Variants in NTRK1 observed in about 807,000 individuals in gnomAD.
NTRK1 encodes high affinity nerve growth factor receptor.
NTRK1 carries 62 observed loss-of-function variants against 86.8 expected under a neutral mutation model. That is an observed-to-expected ratio of 0.71 (90% CI 0.58 to 0.88). The LOEUF is 0.88. Among genes scored for constraint, NTRK1 ranks in the 40% least tolerant of loss-of-function variants. The pLI, the probability that NTRK1 is intolerant of heterozygous loss-of-function variation, is 0.00. For missense variants in NTRK1, 967 were observed against 1,078.4 expected (o/e 0.90, Z 1.45); for synonymous variants, 469 against 456.6 (o/e 1.03, Z -0.35).
intron 1 of NTRK1, among the ~76,000 whole-genome samples, chr1:156,834,816 C>G (rs61331432): frequency 0.18 from 27,236 of 149,786 alleles, 4,618 homozygotes; most frequent in African/African-American, 0.45. Flanking sequence ...GCCGGGGAGA[C>G]GGGGGGTTGT....
At position 156,854,247 on chromosome 1, in the gene NTRK1, A is replaced by G; in HGVS notation, c.51-10107A>G. On this transcript the variant is annotated intron_variant, in intron 2 of 16. Transcript: ENST00000392302. The surrounding 1 kb of genome is among the most constrained non-coding windows in gnomAD (Gnocchi z 4.2). The stretch of plus-strand genomic sequence containing the variant: ...TGCAGGTGGCCCTCCACCACGCTGC[A>G]GTTCTCCAGCTGACGAAGCTCTGCC... 5 of 1,613,878 alleles carry G rather than the reference A, an allele frequency of 3.1e-6. No individual in the cohort carries two copies. The highest frequency in any genetic ancestry group is 4.2e-6 in the Non-Finnish European group (5 of 1,180,014).
intron 1 of NTRK1, chr1:156,816,264 C>A: frequency 1.4e-6 from 1 of 703,720 alleles, no homozygotes; most frequent in Non-Finnish European, 1.7e-6. Flanking sequence ...GTTAAGTAGC[C>A]AAGGCGGCAT....
At chr1:156,863,846 C>T (rs1330431280) in intron 1 of NTRK1, among the ~76,000 whole-genome samples, 2 of 152,182 alleles carry the variant, frequency 1.3e-5, no homozygotes, top group African/African-American at 4.8e-5. Flanking sequence ...AGTACAACCT[C>T]CCACTGATGA....
Position 156,875,614 on chromosome 1 carries a change from C to T in NTRK1, c.1449C>T (p.Gly483=), listed in dbSNP as rs746433981. The change falls in exon 12 of 17, where the codon GGC becomes GGT. Residue 483 remains glycine (G), a synonymous_variant. Coordinates refer to ENST00000524377, the MANE Select transcript of NTRK1 (RefSeq NM_002529.4). ...CCCTGTCCCCCACCGAGGGCAAAGG[C>T]TCTGGGCTCCAAGGCCACATCATCG... ...GSSLSPTEGK[G]SGLQGHIIEN... The T allele has an allele frequency of 6.2e-7, 1 of 1,613,744 alleles. No individual in the cohort carries two copies.
chr1:156,841,104 C>T (rs943100524), intron 1 of NTRK1: 6 of 1,556,452 alleles, frequency 3.9e-6, no homozygotes, highest in South Asian at 1.2e-5. Flanking sequence ...TCAGCTCCTG[C>T]CTGGTGGGTG....
Position 156,881,230 on chromosome 1 carries a change from C to T in NTRK1, c.2206-227C>T, listed in dbSNP as rs114547765. 0.02 allele frequency among the ~76,000 whole-genome samples: 3,004 copies of T among 152,296 alleles called. 94 individuals are homozygous for T. Among genetic ancestry groups the T allele is most frequent in the African/African-American group, 0.068 (2,841 of 41,544 alleles). On this transcript the variant is annotated intron_variant, in intron 16 of 16. Transcript: ENST00000524377. ...TCCCAGTTTTCTGGAAGCAATCCTA[C>T]CCCAGCCCAAGCTTCCCATAGTCGA...
intron 1 of NTRK1, among the ~76,000 whole-genome samples, chr1:156,819,401 T>C (rs1157545441): frequency 6.6e-6 from 1 of 152,190 alleles, no homozygotes; most frequent in African/African-American, 2.4e-5. Context: ...CCCTGATGAT[T>C]GTGGTGTTGA....
chr1:156,841,365 A>G (rs755844614), intron 1 of NTRK1: 14 of 1,608,974 alleles, frequency 8.7e-6, no homozygotes, highest in Non-Finnish European at 9.4e-6. Context: ...TAGATCAACA[A>G]TGAGGAAGGG....
rs781599974 is a variant in NTRK1, at chr1:156,876,226, G to T, written c.1632+16G>T. The T allele has an allele frequency of 6.2e-7, 1 of 1,613,516 alleles. No homozygotes were observed. The highest frequency in any genetic ancestry group is 8.5e-7 in the Non-Finnish European group (1 of 1,179,942). ...GGCTGTCAAGGTGAGACCCTGCCCC[G>T]GGGGGTACTGCTGGCCTGGGTCCCA... On this transcript the variant is annotated intron_variant, in intron 13 of 16. Coordinates refer to ENST00000524377, the MANE Select transcript of NTRK1 (RefSeq NM_002529.4).
chr1:156,876,357 G>T, intron 13 of NTRK1, 43 bp from the exon 14 acceptor site: 6 of 1,612,798 alleles, frequency 3.7e-6, no homozygotes, highest in African/African-American at 1.3e-5. Flanking sequence ...AGCAGTGAGG[G>T]CTCGGCCCCC....
chr1:156,860,965 G>A lies in NTRK1; in HGVS notation c.31G>A (p.Gly11Ser). ...GCGAGGCGGACGGCGCGGGCAGCTT[G>A]GCTGGCACAGCTGGGCTGCGGGGCC... MLRGGRRGQL[G>S]WHSWAAGPGS... The change falls in exon 1 of 17, where the codon GGC becomes AGC. Residue 11 changes from glycine to serine, a missense_variant. Coordinates refer to ENST00000524377, the MANE Select transcript of NTRK1 (RefSeq NM_002529.4). The A allele has an allele frequency of 6.6e-7, 1 of 1,513,790 alleles. No homozygotes were observed. The highest frequency in any genetic ancestry group is 8.8e-7 in the Non-Finnish European group (1 of 1,138,718). The allele number at this position is 1,513,790 out of a possible 1,614,324, so 93.8% of individuals were successfully genotyped here. A position where few individuals can be genotyped will look rare whatever the true frequency, so the allele number is the denominator to read the frequency against.
chr1:156,853,748 C>G, intron 2 of NTRK1: 1 of 1,593,432 alleles, frequency 6.3e-7, no homozygotes, highest in Non-Finnish European at 8.6e-7. Flanking sequence ...GTGCCAGTGC[C>G]CACCTCTCTG....
chr1:156,852,081 G>T, intron 2 of NTRK1: 2 of 1,613,686 alleles, frequency 1.2e-6, no homozygotes, highest in Non-Finnish European at 8.5e-7. Flanking sequence ...TAGAGGTGGC[G>T]GCAAGCTACA....
intron 1 of NTRK1, chr1:156,816,576 C>T: frequency 7.5e-7 from 1 of 1,326,138 alleles, no homozygotes; most frequent in Non-Finnish European, 1.0e-6. Flanking sequence ...AGGGTGGGGC[C>T]CCTCATCCCT....
At chr1:156,867,109 C>A in intron 4 of NTRK1, 131 bp downstream of exon 4, 1 of 939,738 alleles carries the variant, frequency 1.1e-6, no homozygotes, top group South Asian at 1.3e-5. Context: ...GGACTATGTG[C>A]ATGCCAGTGA....
At chr1:156,874,673 T>C in intron 10 of NTRK1, 47 bp downstream of exon 10, 4 of 1,574,636 alleles carry the variant, frequency 2.5e-6, no homozygotes, top group Non-Finnish European at 3.5e-6. Context: ...ACCGGGAGGC[T>C]GGGTAGAGGC....
At chr1:156,835,378 C>T (rs746333767) in intron 1 of NTRK1, among the ~76,000 whole-genome samples, 2 of 152,088 alleles carry the variant, frequency 1.3e-5, no homozygotes, top group African/African-American at 4.8e-5. Context: ...CAGAGCAGGG[C>T]GCCTATAAGG....
chr1:156,843,117 C>T, intron 2 of NTRK1: 1 of 1,614,188 alleles, frequency 6.2e-7, no homozygotes. Context: ...GTGGACTCCT[C>T]TCCAGCCTCA....
chr1:156,820,903 T>G (rs1654170573), intron 1 of NTRK1, among the ~76,000 whole-genome samples: 1 of 152,244 alleles, frequency 6.6e-6, no homozygotes, highest in South Asian at 2.1e-4. Context: ...ATATTGATTC[T>G]TACCATCCAT....
Sources: allele counts gnomAD v4.1 joint callset (sites outside exome capture counted in the v4.1 genomes callset), GRCh38; gene constraint gnomAD v4.1.1; non-coding constraint Gnocchi (gnomAD v3.1); transcripts MANE v1.5; gene names NCBI Gene and HGNC (gene_info 2026-07-23, HGNC 2026-07-21).